GRIN2B: variants seen among roughly 807,000 people sequenced by gnomAD.
The protein encoded by GRIN2B is glutamate ionotropic receptor NMDA type subunit 2B, also known as glutamate receptor ionotropic, NMDA 2B.
A neutral mutation model predicts 114.5 loss-of-function variants in GRIN2B; 5 were observed. That is an observed-to-expected ratio of 0.04 (90% CI 0.02 to 0.09). GRIN2B has a LOEUF of 0.09. Ranked by LOEUF, GRIN2B falls within the 10% of genes least tolerant of loss-of-function variation. The pLI is 1.00. For missense variants in GRIN2B, 1,108 were observed against 1,943.5 expected (o/e 0.57, Z 8.08); for synonymous variants, 787 against 745.1 (o/e 1.06, Z -0.92).
At chr12:13,805,596 C>T (rs939391345) in intron 3 of GRIN2B, among the ~76,000 whole-genome samples, 2 of 152,012 alleles carry the variant, frequency 1.3e-5, no homozygotes, top group Non-Finnish European at 2.9e-5. Flanking sequence ...AAATTATTTG[C>T]ATTTATTTAT....
At chr12:13,672,367 A>G (rs1950030157) in intron 5 of GRIN2B, among the ~76,000 whole-genome samples, 1 of 152,106 alleles carries the variant, frequency 6.6e-6, no homozygotes, top group African/African-American at 2.4e-5. Context: ...TCCAGTGTTC[A>G]AATCCTCCCT....
intron 3 of GRIN2B, among the ~76,000 whole-genome samples, chr12:13,792,915 GT>G (rs1212095985): frequency 6.6e-6 from 1 of 152,240 alleles, no homozygotes; most frequent in Non-Finnish European, 1.5e-5. Flanking sequence ...TCAGGGAATA[GT>G]GATTTTGTGG....
rs559790376 is a variant in GRIN2B at position 13,921,313 on chromosome 12, G to A, written c.-18-55087C>T. On this transcript the variant is annotated intron_variant, in intron 2 of 13. Coordinates refer to ENST00000609686, the MANE Select transcript of GRIN2B (RefSeq NM_000834.5). Reference sequence around the variant, plus strand: ...CTTGGGAGGCTGAGGCATGAGAATCGCTTGAACCCGGGAGGCAGAAGTTGC... The same window carrying A: ...CTTGGGAGGCTGAGGCATGAGAATCACTTGAACCCGGGAGGCAGAAGTTGC... Among the ~76,000 whole-genome samples, 5 of 152,198 alleles carry A rather than the reference G, an allele frequency of 3.3e-5. No homozygotes were observed. In the South Asian group the frequency reaches 6.2e-4, roughly 19 times the overall value.
At chr12:13,705,972 C>T (rs1443602472) in intron 4 of GRIN2B, among the ~76,000 whole-genome samples, 1 of 152,122 alleles carries the variant, frequency 6.6e-6, no homozygotes, top group Non-Finnish European at 1.5e-5. Flanking sequence ...AATTAAATTA[C>T]ATCAGGAAAG....
At chr12:13,642,084 G>C (rs1261319514) in intron 5 of GRIN2B, among the ~76,000 whole-genome samples, 1 of 152,002 alleles carries the variant, frequency 6.6e-6, no homozygotes, top group Non-Finnish European at 1.5e-5. Flanking sequence ...AGCTACTCAG[G>C]AGGCTGAGGC....
chr12:13,781,224 A>G (rs1305492333), intron 3 of GRIN2B, among the ~76,000 whole-genome samples: 1 of 152,226 alleles, frequency 6.6e-6, no homozygotes, highest in Non-Finnish European at 1.5e-5. Context: ...AGTTGGCAAG[A>G]ATCAAACTTC....
chr12:13,702,856 C>T (rs897039874), intron 4 of GRIN2B, among the ~76,000 whole-genome samples: 5 of 152,186 alleles, frequency 3.3e-5, no homozygotes, highest in African/African-American at 4.8e-5. Flanking sequence ...GCTAAAGTCT[C>T]AGTCAGACTA....
chr12:13,602,151 T>C (rs7975006), intron 10 of GRIN2B, among the ~76,000 whole-genome samples: 15,340 of 152,170 alleles, frequency 0.1, 1,566 homozygotes, highest in African/African-American at 0.26. Context: ...CCCCCTCTCA[T>C]GTGCATTCTG....
intron 5 of GRIN2B, among the ~76,000 whole-genome samples, chr12:13,648,021 T>C (rs373885539): frequency 1.8e-4 from 27 of 152,096 alleles, no homozygotes; most frequent in Non-Finnish European, 3.2e-4. Context: ...TGAAAATTCA[T>C]TGGTGAGGCT....
intron 2 of GRIN2B, among the ~76,000 whole-genome samples, chr12:13,897,557 T>G (rs540698060): frequency 6.6e-5 from 10 of 152,234 alleles, no homozygotes; most frequent in Admixed American, 4.6e-4. Context: ...AAATGTGGGT[T>G]CTCCCAATGA....
rs201985858 is a variant in GRIN2B at position 13,576,547 on chromosome 12, TTTTTTC to T, written c.2011-4589_2011-4584del. 0.013 allele frequency among the ~76,000 whole-genome samples: 1,994 copies of T among 148,832 alleles called. 97 individuals are homozygous for T. The East Asian group carries it at 0.18, about 14-fold the overall frequency. On this transcript the variant is annotated intron_variant, in intron 10 of 13. Coordinates refer to ENST00000609686, the MANE Select transcript of GRIN2B (RefSeq NM_000834.5). ...ATAGTACTCTTTATTTTCTTTTTTC[TTTTTTC>T]TTTTTTTTTTTGAAACAGAGTCTCA...
intron 9 of GRIN2B, 38 bp from the exon 10 acceptor site, chr12:13,608,870 T>TTG: frequency 6.8e-7 from 1 of 1,470,216 alleles, no homozygotes; most frequent in Non-Finnish European, 9.5e-7. Context: ...AGTTAAGCCA[T>TTG]TGTGGCTGGT....
Position 13,701,111 on chromosome 12 carries a change from T to G in GRIN2B, c.1011-25252A>C, listed in dbSNP as rs80055138. On this transcript the variant is annotated intron_variant, in intron 4 of 13. Transcript: ENST00000609686. ...CACAGGAAGAACTAACACACACTTA[T>G]AAAACGTCGGATCTCAAGAGAACTC... Among the ~76,000 whole-genome samples, 651 of 152,256 alleles carry G rather than the reference T, an allele frequency of 4.3e-3. 4 individuals are homozygous for G. Among genetic ancestry groups the G allele is most frequent in the Middle Eastern group, 0.01 (3 of 294 alleles).
chr12:13,663,255 A>G (rs1488383805), intron 5 of GRIN2B, among the ~76,000 whole-genome samples: 1 of 152,208 alleles, frequency 6.6e-6, no homozygotes, highest in East Asian at 1.9e-4. Flanking sequence ...GTCTTTTGAC[A>G]TTAAACCACT....
At chr12:13,762,552 G>A (rs192779113) in intron 3 of GRIN2B, among the ~76,000 whole-genome samples, 9 of 152,300 alleles carry the variant, frequency 5.9e-5, no homozygotes, top group East Asian at 1.9e-4. Context: ...AGAACATCAC[G>A]TTCATATACC....
At chr12:13,978,081 C>A (rs1477948382) in intron 2 of GRIN2B, among the ~76,000 whole-genome samples, 1 of 152,204 alleles carries the variant, frequency 6.6e-6, no homozygotes, top group Non-Finnish European at 1.5e-5. Flanking sequence ...AAAGGACCTA[C>A]TGGGTGTAGA....
At chr12:13,769,053 A>C (rs983194417) in intron 3 of GRIN2B, among the ~76,000 whole-genome samples, 3 of 152,258 alleles carry the variant, frequency 2.0e-5, no homozygotes, top group Admixed American at 6.5e-5. Flanking sequence ...ATAAAATAAA[A>C]TAAAATAAAC....
At chr12:13,914,528 T>G (rs1228343495) in intron 2 of GRIN2B, among the ~76,000 whole-genome samples, 1 of 152,088 alleles carries the variant, frequency 6.6e-6, no homozygotes, top group Admixed American at 6.6e-5. Flanking sequence ...TCAGAAAAAC[T>G]AGATACAGAA....
Position 13,558,168 on chromosome 12 carries a change from C to CTACTGAGCA in GRIN2B, c.*4606_*4614dup, listed in dbSNP as rs1199139145. On this transcript the variant is annotated 3_prime_UTR_variant, in exon 14 of 14. Transcript: ENST00000609686. ...AAGCTCTGCTGTAGTGTGTAGCAGC[C>CTACTGAGCA]TACTGAGCATGTATTTCCTATATGG... 1.3e-5 allele frequency: 2 copies of CTACTGAGCA among 152,142 alleles called. No homozygotes were observed. The highest frequency in any genetic ancestry group is 2.9e-5 in the Non-Finnish European group (2 of 68,028). 9.4% of individuals were successfully genotyped at this position (152,142 alleles called of 1,614,324 possible).
Sources: gnomAD v4.1 joint callset for allele counts (sites outside exome capture counted in the v4.1 genomes callset) on GRCh38, gnomAD v4.1.1 for gene constraint, MANE v1.5 for transcripts, NCBI Gene and HGNC (gene_info 2026-07-23, HGNC 2026-07-21) for gene names.